GALNT13: variants seen among roughly 807,000 people sequenced by gnomAD.
The protein encoded by GALNT13 is polypeptide N-acetylgalactosaminyltransferase 13, also known as UDP-GalNAc:polypeptide N-acetylgalactosaminyltransferase 13.
GALNT13 carries 28 observed loss-of-function variants against 64.2 expected under a neutral mutation model. The observed-to-expected ratio is 0.44, with a 90% confidence interval of 0.32 to 0.60. The LOEUF is 0.60. Ranked by LOEUF, GALNT13 falls within the 20% of genes least tolerant of loss-of-function variation. GALNT13 has a pLI of 0.05. For missense variants in GALNT13, 577 were observed against 669.8 expected (o/e 0.86, Z 1.53); for synonymous variants, 214 against 224.6 (o/e 0.95, Z 0.42).
At chr2:154,087,926 A>G (rs982823453) in intron 3 of GALNT13, among the ~76,000 whole-genome samples, 9 of 152,266 alleles carry the variant, frequency 5.9e-5, no homozygotes, top group African/African-American at 1.9e-4. Context: ...GCACTTTTGT[A>G]GAAACTCCTG....
chr2:153,994,359 T>C (rs1211379504), intron 3 of GALNT13, among the ~76,000 whole-genome samples: 1 of 152,242 alleles, frequency 6.6e-6, no homozygotes, highest in Non-Finnish European at 1.5e-5. Context: ...CTATTGTGAA[T>C]AGTGCTGCAA....
At chr2:153,178,686 T>A in the GALNT13 span, among the ~76,000 whole-genome samples, 48 of 152,024 alleles carry the variant, frequency 3.2e-4, 3 homozygotes, top group East Asian at 7.5e-3. Flanking sequence ...TTTCATTTCT[T>A]GTACAGAAGC....
the GALNT13 span, among the ~76,000 whole-genome samples, chr2:153,798,183 A>G: frequency 6.6e-6 from 1 of 152,208 alleles, no homozygotes; most frequent in South Asian, 2.1e-4. Context: ...TGATCTTACA[A>G]TTCAGGATTT....
chr2:153,100,156 A>G, the GALNT13 span, among the ~76,000 whole-genome samples: 4 of 152,210 alleles, frequency 2.6e-5, no homozygotes, highest in Non-Finnish European at 5.9e-5. Context: ...TCAATGTCCA[A>G]TGAACCTGAA....
intron 3 of GALNT13, among the ~76,000 whole-genome samples, chr2:154,000,237 TG>T (rs1695810411): frequency 6.6e-6 from 1 of 151,406 alleles, no homozygotes; most frequent in Admixed American, 6.6e-5. Context: ...TAGCTAAAAT[TG>T]TATCTGTTCG....
At chr2:153,717,166 A>T in the GALNT13 span, among the ~76,000 whole-genome samples, 2 of 152,282 alleles carry the variant, frequency 1.3e-5, no homozygotes, top group South Asian at 4.1e-4. Flanking sequence ...TCCCCAATGA[A>T]CATCTCAAAA....
chr2:153,835,660 TTGTCTATGCTTCATAA>T, the GALNT13 span, among the ~76,000 whole-genome samples: 1 of 152,016 alleles, frequency 6.6e-6, no homozygotes, highest in Non-Finnish European at 1.5e-5. Context: ...AAAACCCAAT[TTGTCTATGCTTCATAA>T]TATAAAAGAG....
chr2:153,643,207 GAAAA>G, the GALNT13 span, among the ~76,000 whole-genome samples: 14 of 151,108 alleles, frequency 9.3e-5, no homozygotes, highest in Non-Finnish European at 1.5e-4. Context: ...AATTCACAAA[GAAAA>G]AACACTTTTC....
chr2:154,134,439 C>A, intron 3 of GALNT13, among the ~76,000 whole-genome samples: 1 of 152,098 alleles, frequency 6.6e-6, no homozygotes, highest in Non-Finnish European at 1.5e-5. Flanking sequence ...TTTCAATTCA[C>A]CCATTAAATT....
At chr2:153,933,761 A>C (rs903838032) in intron 2 of GALNT13, among the ~76,000 whole-genome samples, 2 of 151,702 alleles carry the variant, frequency 1.3e-5, no homozygotes, top group African/African-American at 4.8e-5. Flanking sequence ...CATGTTTAGC[A>C]CTCCCTTAAA....
chr2:153,163,844 C>T, the GALNT13 span, among the ~76,000 whole-genome samples: 3 of 151,846 alleles, frequency 2.0e-5, no homozygotes, highest in Non-Finnish European at 2.9e-5. Context: ...ACGGTGAAAC[C>T]CCATCTCTAC....
intron 4 of GALNT13, among the ~76,000 whole-genome samples, chr2:154,203,466 A>AAGAT (rs943786736): frequency 2.6e-5 from 4 of 152,126 alleles, no homozygotes; most frequent in South Asian, 2.1e-4. Context: ...TATAGATAGA[A>AAGAT]AGATAGATAG....
intron 2 of GALNT13, among the ~76,000 whole-genome samples, chr2:153,935,624 G>A (rs1690852873): frequency 6.6e-6 from 1 of 152,198 alleles, no homozygotes; most frequent in Non-Finnish European, 1.5e-5. Flanking sequence ...TATGGCATCA[G>A]GCACAGCAGA....
chr2:153,889,926 TG>T (rs1161585192), intron 1 of GALNT13, among the ~76,000 whole-genome samples: 1 of 151,844 alleles, frequency 6.6e-6, no homozygotes, highest in African/African-American at 2.4e-5. Context: ...TATAAAACCC[TG>T]GGGGTCCACT....
At chr2:153,120,995 G>T in the GALNT13 span, among the ~76,000 whole-genome samples, 1 of 152,210 alleles carries the variant, frequency 6.6e-6, no homozygotes, top group African/African-American at 2.4e-5. Context: ...TGATCCTATA[G>T]TTATAATCTT....
At chr2:153,413,340 G>A in the GALNT13 span, among the ~76,000 whole-genome samples, 1 of 152,072 alleles carries the variant, frequency 6.6e-6, no homozygotes, top group Admixed American at 6.6e-5. Context: ...TGGGGTATAA[G>A]CAAAGGTAAG....
intron 11 of GALNT13, among the ~76,000 whole-genome samples, chr2:154,410,769 C>G (rs1318462072): frequency 1.3e-5 from 2 of 151,840 alleles, no homozygotes; most frequent in African/African-American, 4.8e-5. Context: ...ATTATCTGCT[C>G]CATAATTTCA....
intron 9 of GALNT13, among the ~76,000 whole-genome samples, chr2:154,336,011 T>C (rs1324731911): frequency 6.6e-6 from 1 of 152,108 alleles, no homozygotes; most frequent in African/African-American, 2.4e-5. Context: ...CAAAGGTGAC[T>C]AATATATAAA....
At chr2:153,834,274 T>C in the GALNT13 span, among the ~76,000 whole-genome samples, 1 of 152,092 alleles carries the variant, frequency 6.6e-6, no homozygotes, top group African/African-American at 2.4e-5. Flanking sequence ...AACTGGAAAG[T>C]TGCCAGAGGC....
Sources: allele counts gnomAD v4.1 joint callset (sites outside exome capture counted in the v4.1 genomes callset), GRCh38; gene constraint gnomAD v4.1.1; transcripts MANE v1.5; gene names NCBI Gene and HGNC (gene_info 2026-07-23, HGNC 2026-07-21).